The following TMEM108 variants were observed in gnomAD, a reference collection of about 807,000 sequenced individuals.
TMEM108 encodes the protein cancer/testis antigen 124.
TMEM108 carries 12 observed loss-of-function variants against 35.1 expected under a neutral mutation model. The observed-to-expected ratio is 0.34, with a 90% CI of 0.22 to 0.55. The LOEUF (loss-of-function observed/expected upper bound fraction) is 0.55. Among genes scored for constraint, TMEM108 ranks in the 20% least tolerant of loss-of-function variants. The pLI is 0.89. For missense variants in TMEM108, 680 were observed against 753.3 expected (o/e 0.90, Z 1.14); for synonymous variants, 287 against 308.6 (o/e 0.93, Z 0.73).
chr3:133,293,369 T>G (rs1035462351), intron 3 of TMEM108, among the ~76,000 whole-genome samples: 18 of 150,572 alleles, frequency 1.2e-4, no homozygotes, highest in Non-Finnish European at 2.5e-4. Flanking sequence ...ACACAGAGCC[T>G]GGCACATAGT....
At chr3:133,164,899 C>A (rs972317748) in intron 2 of TMEM108, among the ~76,000 whole-genome samples, 3 of 151,836 alleles carry the variant, frequency 2.0e-5, no homozygotes, top group African/African-American at 7.3e-5. Context: ...CCAACCAGAG[C>A]ATCATATTGA....
intron 2 of TMEM108, among the ~76,000 whole-genome samples, chr3:133,109,677 T>C (rs1944202471): frequency 6.6e-6 from 1 of 152,208 alleles, no homozygotes; most frequent in Admixed American, 6.5e-5. Flanking sequence ...AAGAAATATT[T>C]AATTTCTAAG....
intron 2 of TMEM108, among the ~76,000 whole-genome samples, chr3:133,147,763 C>T (rs776185548): frequency 1.1e-4 from 17 of 152,138 alleles, no homozygotes; most frequent in Non-Finnish European, 2.2e-4. Context: ...CTAAGACATA[C>T]CTGCTTTGAG....
At chr3:133,285,416 A>T (rs1946969955) in intron 3 of TMEM108, among the ~76,000 whole-genome samples, 1 of 152,086 alleles carries the variant, frequency 6.6e-6, no homozygotes, top group Admixed American at 6.6e-5. Flanking sequence ...CACCCTTCCT[A>T]TTTAGTGGTT....
chr3:133,233,396 T>A (rs1243944729), intron 3 of TMEM108, among the ~76,000 whole-genome samples: 1 of 152,184 alleles, frequency 6.6e-6, no homozygotes, highest in Non-Finnish European at 1.5e-5. Flanking sequence ...TGCATAGTAT[T>A]CCATGGTGTA....
At chr3:133,306,717 A>G (rs11919010) in intron 3 of TMEM108, among the ~76,000 whole-genome samples, 48,708 of 151,984 alleles carry the variant, frequency 0.32, 8,546 homozygotes, top group East Asian at 0.48. Context: ...TTATGGCTGC[A>G]TAGTATTCCA....
intron 2 of TMEM108, among the ~76,000 whole-genome samples, chr3:133,085,759 C>G (rs1469406764): frequency 1.4e-5 from 2 of 147,396 alleles, no homozygotes; most frequent in Non-Finnish European, 1.5e-5. Flanking sequence ...GTAATAATTA[C>G]TTTTATTTTT....
chr3:133,083,722 A>G (rs1943844645), intron 2 of TMEM108, among the ~76,000 whole-genome samples: 1 of 152,194 alleles, frequency 6.6e-6, no homozygotes, highest in Non-Finnish European at 1.5e-5. Context: ...TTTTTTTAAA[A>G]TAAAGGAATA....
chr3:133,090,626 A>C (rs1943936457), intron 2 of TMEM108, among the ~76,000 whole-genome samples: 1 of 152,238 alleles, frequency 6.6e-6, no homozygotes, highest in South Asian at 2.1e-4. Flanking sequence ...TATCGTAAGA[A>C]ATTTCAAAGG....
chr3:133,379,570 C>A, intron 3 of TMEM108, 182 bp from the exon 4 acceptor site: 1 of 642,796 alleles, frequency 1.6e-6, no homozygotes, highest in South Asian at 2.2e-5. Flanking sequence ...CAGCACCTAC[C>A]TAATAGACCT....
At chr3:133,130,568 A>AT (rs1488695793) in intron 2 of TMEM108, among the ~76,000 whole-genome samples, 2 of 152,214 alleles carry the variant, frequency 1.3e-5, no homozygotes, top group Non-Finnish European at 2.9e-5. Flanking sequence ...GAGAAAAAAA[A>AT]GCAGGAACCT....
intron 2 of TMEM108, among the ~76,000 whole-genome samples, chr3:133,219,226 A>G (rs936908985): frequency 6.6e-6 from 1 of 151,914 alleles, no homozygotes; most frequent in African/African-American, 2.4e-5. Context: ...ATTCATTGTA[A>G]TGTCTTTTCT....
At chr3:133,360,080 G>A (rs1031929777) in intron 3 of TMEM108, among the ~76,000 whole-genome samples, 2 of 149,722 alleles carry the variant, frequency 1.3e-5, no homozygotes, top group Admixed American at 1.3e-4. Context: ...TGTTAGGCTT[G>A]GTGAAAGCCA....
chr3:133,094,226 A>ACCCCCCACCCCCCC (rs1559830337), intron 2 of TMEM108, among the ~76,000 whole-genome samples: 4 of 17,960 alleles, frequency 2.2e-4, no homozygotes, highest in Admixed American at 5.6e-4. Flanking sequence ...CTCCCACCCC[A>ACCCCCCACCCCCCC]CCCCCCACCC....
chr3:133,115,475 A>T (rs949242664), intron 2 of TMEM108, among the ~76,000 whole-genome samples: 2 of 152,232 alleles, frequency 1.3e-5, no homozygotes, highest in African/African-American at 4.8e-5. Context: ...ACTGAGGTTC[A>T]AAGAGGTGAC....
At chr3:133,227,232 G>T (rs1473592554) in intron 2 of TMEM108, among the ~76,000 whole-genome samples, 1 of 113,784 alleles carries the variant, frequency 8.8e-6, no homozygotes, top group African/African-American at 3.4e-5. Flanking sequence ...TCTCGCTGTC[G>T]CCCAGGCTGG....
At chr3:133,241,575 C>G (rs1209945072) in intron 3 of TMEM108, among the ~76,000 whole-genome samples, 2 of 143,432 alleles carry the variant, frequency 1.4e-5, no homozygotes, top group Middle Eastern at 3.7e-3. Flanking sequence ...GTTTCCCTGT[C>G]TGTAAAATGA....
chr3:133,104,568 A>G (rs918724492), intron 2 of TMEM108, among the ~76,000 whole-genome samples: 1 of 151,988 alleles, frequency 6.6e-6, no homozygotes, highest in Admixed American at 6.6e-5. Flanking sequence ...TCTGATATCC[A>G]TATGCTTCTG....
intron 2 of TMEM108, among the ~76,000 whole-genome samples, chr3:133,102,784 T>C (rs139047703): frequency 4.1e-4 from 62 of 152,342 alleles, no homozygotes; most frequent in African/African-American, 1.4e-3. Context: ...ATAGCTGTTA[T>C]TCAATTGATG....
Sources: gnomAD v4.1 joint callset for allele counts (sites outside exome capture counted in the v4.1 genomes callset) on GRCh38, gnomAD v4.1.1 for gene constraint, MANE v1.5 for transcripts, NCBI Gene and HGNC (gene_info 2026-07-23, HGNC 2026-07-21) for gene names.